CHRNA7: variants seen among roughly 807,000 people sequenced by gnomAD.
The protein encoded by CHRNA7 is cholinergic receptor nicotinic alpha 7 subunit.
In CHRNA7, 17 loss-of-function variants were observed where a neutral mutation model predicts 48.0. The observed-to-expected ratio is 0.35, with a 90% CI of 0.24 to 0.53. The LOEUF (loss-of-function observed/expected upper bound fraction) is 0.53. Among genes scored for constraint, CHRNA7 ranks in the 20% least tolerant of loss-of-function variants. The pLI is 0.92. For synonymous variants in CHRNA7, 75 were observed against 242.3 expected (o/e 0.31, Z 6.41); for missense variants, 155 against 577.7 (o/e 0.27, Z 7.50).
intron 4 of CHRNA7, among the ~76,000 whole-genome samples, chr15:32,137,537 C>G (rs2051293754): frequency 6.6e-6 from 1 of 152,042 alleles, no homozygotes; most frequent in African/African-American, 2.4e-5. Context: ...TAATGTACCT[C>G]TTTTAGTAAT....
chr15:32,063,309 A>G (rs1378422854), intron 2 of CHRNA7, among the ~76,000 whole-genome samples: 1 of 152,186 alleles, frequency 6.6e-6, no homozygotes, highest in Non-Finnish European at 1.5e-5. Context: ...TTTTTTAGCC[A>G]TTATAATCCT....
chr15:32,052,744 T>C (rs2049713695), intron 2 of CHRNA7, among the ~76,000 whole-genome samples: 1 of 151,944 alleles, frequency 6.6e-6, no homozygotes, highest in South Asian at 2.1e-4. Context: ...AATAAATAAA[T>C]ACAATTAAAT....
chr15:32,121,941 A>C (rs993647694), intron 4 of CHRNA7, among the ~76,000 whole-genome samples: 4 of 152,248 alleles, frequency 2.6e-5, no homozygotes, highest in African/African-American at 9.6e-5. Context: ...CACCAGTCCA[A>C]CTGGACTTCT....
chr15:32,049,898 A>G (rs1450674312), intron 2 of CHRNA7, among the ~76,000 whole-genome samples: 1 of 151,878 alleles, frequency 6.6e-6, no homozygotes, highest in Non-Finnish European at 1.5e-5. Flanking sequence ...TTTCTCCTTC[A>G]CTTATGAAGC....
chr15:32,103,730 AG>A (rs1411895368), intron 3 of CHRNA7, among the ~76,000 whole-genome samples: 18 of 152,212 alleles, frequency 1.2e-4, no homozygotes, highest in Admixed American at 1.2e-3. Flanking sequence ...CCTCGCTGCC[AG>A]TAGCATCAAA....
intron 2 of CHRNA7, among the ~76,000 whole-genome samples, chr15:32,076,975 A>G (rs1277436572): frequency 3.3e-5 from 5 of 152,134 alleles, no homozygotes; most frequent in African/African-American, 7.2e-5. Context: ...TGGTCTTTTT[A>G]TAGTATCTAT....
At chr15:32,146,466 C>A (rs991170362) in intron 4 of CHRNA7, among the ~76,000 whole-genome samples, 2 of 152,084 alleles carry the variant, frequency 1.3e-5, no homozygotes, top group Admixed American at 6.6e-5. Context: ...AAGGAATAAA[C>A]CTGTTATCAT....
intron 4 of CHRNA7, among the ~76,000 whole-genome samples, chr15:32,130,537 T>C (rs942651479): frequency 2.0e-5 from 3 of 150,204 alleles, no homozygotes; most frequent in African/African-American, 7.3e-5. Context: ...GTCTGTGATA[T>C]ATATATATTA....
At chr15:32,041,595 A>G (rs2049449256) in intron 2 of CHRNA7, among the ~76,000 whole-genome samples, 1 of 152,176 alleles carries the variant, frequency 6.6e-6, no homozygotes, top group Non-Finnish European at 1.5e-5. Context: ...GGGGTTGGGG[A>G]ACCCTGCTCT....
chr15:32,115,594 G>A (rs1213441060), intron 4 of CHRNA7, among the ~76,000 whole-genome samples: 1 of 151,924 alleles, frequency 6.6e-6, no homozygotes, highest in Admixed American at 6.5e-5. Flanking sequence ...AGCGTCTTGC[G>A]GGGCGAGGAA....
intron 4 of CHRNA7, among the ~76,000 whole-genome samples, chr15:32,139,135 ATTGAC>A (rs2051330090): frequency 1.3e-5 from 2 of 152,122 alleles, no homozygotes; most frequent in African/African-American, 4.8e-5. Flanking sequence ...ATCTTTTCAG[ATTGAC>A]TTATTTCATT....
intron 4 of CHRNA7, among the ~76,000 whole-genome samples, chr15:32,127,008 G>C (rs1177257477): frequency 6.6e-6 from 1 of 152,106 alleles, no homozygotes; most frequent in Admixed American, 6.6e-5. Flanking sequence ...ATAAAGAACT[G>C]TTCCACGACT....
At chr15:32,060,818 T>C (rs985366346) in intron 2 of CHRNA7, among the ~76,000 whole-genome samples, 3 of 152,174 alleles carry the variant, frequency 2.0e-5, no homozygotes, top group African/African-American at 2.4e-5. Context: ...TGGGGGCTAA[T>C]TGAGGAAAAC....
At chr15:32,069,490 T>A (rs1479455694) in intron 2 of CHRNA7, among the ~76,000 whole-genome samples, 2 of 151,408 alleles carry the variant, frequency 1.3e-5, no homozygotes, top group Non-Finnish European at 1.5e-5. Flanking sequence ...TACAAAAAAA[T>A]TTAAAAATTA....
chr15:32,137,542 A>G (rs761617718), intron 4 of CHRNA7, among the ~76,000 whole-genome samples: 5 of 152,246 alleles, frequency 3.3e-5, no homozygotes, highest in Admixed American at 6.5e-5. Context: ...TACCTCTTTT[A>G]GTAATTGATA....
intron 2 of CHRNA7, among the ~76,000 whole-genome samples, chr15:32,046,154 C>T (rs1479622698): frequency 2.0e-5 from 3 of 151,948 alleles, no homozygotes; most frequent in African/African-American, 7.3e-5. Context: ...TTTATAGCAG[C>T]ATGATTTATA....
chr15:32,132,341 A>G (rs1416210061), intron 4 of CHRNA7, among the ~76,000 whole-genome samples: 1 of 152,188 alleles, frequency 6.6e-6, no homozygotes, highest in East Asian at 1.9e-4. Context: ...TAGGGATGTC[A>G]GCACCATGCC....
chr15:32,049,975 C>G (rs981835719), intron 2 of CHRNA7, among the ~76,000 whole-genome samples: 3 of 152,270 alleles, frequency 2.0e-5, no homozygotes, highest in Admixed American at 6.5e-5. Context: ...ATATTGGCCC[C>G]CACTCTCTTC....
chr15:32,144,912 C>G (rs2051456650), intron 4 of CHRNA7, among the ~76,000 whole-genome samples: 2 of 152,214 alleles, frequency 1.3e-5, no homozygotes, highest in Admixed American at 1.3e-4. Context: ...CTGAAACCTA[C>G]TTCTGTCAAC....
Sources: gnomAD v4.1 joint callset for allele counts (sites outside exome capture counted in the v4.1 genomes callset) on GRCh38, gnomAD v4.1.1 for gene constraint, MANE v1.5 for transcripts, NCBI Gene and HGNC (gene_info 2026-07-23, HGNC 2026-07-21) for gene names.